Variants in DAB1 observed in about 807,000 individuals in gnomAD.
The protein encoded by DAB1 is disabled homolog 1.
Under a neutral mutation model 64.6 loss-of-function variants are expected in DAB1, and 15 were observed. The observed-to-expected ratio is 0.23, with a 90% CI of 0.16 to 0.36. The LOEUF (loss-of-function observed/expected upper bound fraction) is 0.36. DAB1 is among the 10% of genes least tolerant of loss of function. DAB1 has a pLI of 1.00. For synonymous variants in DAB1, 235 were observed against 251.9 expected (o/e 0.93, Z 0.64); for missense variants, 596 against 706.7 (o/e 0.84, Z 1.78).
At chr1:57,337,434 A>G (rs1677168057) in intron 1 of DAB1, among the ~76,000 whole-genome samples, 1 of 152,132 alleles carries the variant, frequency 6.6e-6, no homozygotes, top group Non-Finnish European at 1.5e-5. Flanking sequence ...CCCAGGGATC[A>G]CAAGAGAAGA....
intron 7 of DAB1, among the ~76,000 whole-genome samples, chr1:57,519,572 C>G (rs1338348886): frequency 6.6e-6 from 1 of 152,050 alleles, no homozygotes; most frequent in Non-Finnish European, 1.5e-5. Context: ...ACATCAAAGC[C>G]CCTAGATGCA....
intron 1 of DAB1, among the ~76,000 whole-genome samples, chr1:57,370,070 C>A (rs764736355): frequency 6.6e-6 from 1 of 152,154 alleles, no homozygotes; most frequent in Non-Finnish European, 1.5e-5. Flanking sequence ...GTAACAGGAA[C>A]CTTCACTGAC....
At chr1:57,771,810 T>C (rs1244049707) in intron 6 of DAB1, among the ~76,000 whole-genome samples, 7 of 152,140 alleles carry the variant, frequency 4.6e-5, no homozygotes, top group Admixed American at 3.3e-4. Context: ...ATTTGTTTTC[T>C]CCACTCTAGA....
chr1:57,949,787 T>C (rs1440577344), intron 5 of DAB1, among the ~76,000 whole-genome samples: 2 of 152,186 alleles, frequency 1.3e-5, no homozygotes, highest in Non-Finnish European at 1.5e-5. Context: ...AAAACTTTAA[T>C]AGGAGCTGCA....
intron 1 of DAB1, among the ~76,000 whole-genome samples, chr1:57,861,465 T>TG (rs1481152489): frequency 6.6e-6 from 1 of 152,092 alleles, no homozygotes; most frequent in Non-Finnish European, 1.5e-5. Context: ...CCTAATTACC[T>TG]GGCAAAGGCC....
rs151006333 is a variant in DAB1, at chr1:57,082,276, CAGG to C, written c.307-9865_307-9863del. On this transcript the variant is annotated intron_variant, in intron 4 of 14. Coordinates refer to ENST00000371236, the MANE Select transcript of DAB1 (RefSeq NM_001365792.1). ...CACTCCCTCTCCCTTTCTCTGAGAA[CAGG>C]AGAAGTCAAGGTACTGAGCACTTCA... 4.0e-3 allele frequency among the ~76,000 whole-genome samples: 605 copies of C among 152,272 alleles called. 3 individuals carry two copies. Among genetic ancestry groups the C allele is most frequent in the Admixed American group, 8.3e-3 (127 of 15,278 alleles).
At chr1:57,537,982 T>C (rs1644750625) in intron 7 of DAB1, among the ~76,000 whole-genome samples, 1 of 151,996 alleles carries the variant, frequency 6.6e-6, no homozygotes, top group Admixed American at 6.6e-5. Flanking sequence ...CAGCTCTCAT[T>C]GGAACTAAGA....
intron 2 of DAB1, among the ~76,000 whole-genome samples, chr1:57,237,625 C>T (rs1668190792): frequency 6.6e-6 from 1 of 152,210 alleles, no homozygotes; most frequent in Non-Finnish European, 1.5e-5. Flanking sequence ...AATATCACTT[C>T]ATGGTTTATG....
chr1:57,096,623 C>G (rs770080943), intron 4 of DAB1, among the ~76,000 whole-genome samples: 2 of 152,116 alleles, frequency 1.3e-5, no homozygotes, highest in Non-Finnish European at 2.9e-5. Flanking sequence ...CTCTCAGGTG[C>G]CTTGCCTGAC....
intron 6 of DAB1, among the ~76,000 whole-genome samples, chr1:57,759,042 C>T (rs1220362491): frequency 6.6e-6 from 1 of 152,082 alleles, no homozygotes; most frequent in Non-Finnish European, 1.5e-5. Context: ...ATTGTTGTTG[C>T]TGCTATTATG....
chr1:57,737,649 A>G lies in DAB1; in HGVS notation n.552-87984T>C, dbSNP rs372847703. On this transcript the variant is annotated intron_variant and non_coding_transcript_variant, in intron 6 of 20. Coordinates refer to the DAB1 transcript ENST00000485760. ...AATGAGTGAGTGGAAGGCTTCCTGG[A>G]GTGTCTTTAATGGCAACCCACACTG... is the stretch of plus-strand genomic sequence containing the variant. Among the ~76,000 whole-genome samples the G allele has an allele frequency of 2.2e-4, 34 of 152,292 alleles. 3 individuals carry two copies. Among genetic ancestry groups the G allele is most frequent in the East Asian group, 2.1e-3 (11 of 5,188 alleles).
intron 6 of DAB1, among the ~76,000 whole-genome samples, chr1:57,689,797 C>A (rs1646742120): frequency 2.6e-5 from 4 of 152,026 alleles, no homozygotes; most frequent in African/African-American, 9.7e-5. Flanking sequence ...TTTAAATGTA[C>A]ATTAAATTAT....
At chr1:58,196,046 G>GA (rs1418103966) in intron 4 of DAB1, among the ~76,000 whole-genome samples, 14 of 152,130 alleles carry the variant, frequency 9.2e-5, no homozygotes, top group Admixed American at 3.3e-4. Flanking sequence ...TGGGCTCAGA[G>GA]AAAAAGTAAA....
chr1:58,469,545 T>TA (rs1645334287), intron 3 of DAB1, among the ~76,000 whole-genome samples: 1 of 152,230 alleles, frequency 6.6e-6, no homozygotes, highest in South Asian at 2.1e-4. Context: ...CAGCTATCTA[T>TA]AGCAATCAGG....
At position 58,427,384 on chromosome 1, in the gene DAB1, A is replaced by G. The variant is rs139240188; in HGVS notation, n.257+78676T>C. Among the ~76,000 whole-genome samples, 681 of 152,222 alleles carry G rather than the reference A, an allele frequency of 4.5e-3. 6 individuals are homozygous for G. The highest frequency in any genetic ancestry group is 0.015 in the African/African-American group (639 of 41,534). ...CAGTGTTGATCTTAAGAGTTTTATG[A>G]TATGGCTTTATTTGAACAGCACCAC... On this transcript the variant is annotated intron_variant and non_coding_transcript_variant, in intron 3 of 20. Coordinates refer to the DAB1 transcript ENST00000485760.
intron 7 of DAB1, among the ~76,000 whole-genome samples, chr1:57,616,112 C>G (rs975156340): frequency 4.6e-5 from 7 of 152,186 alleles, no homozygotes; most frequent in Admixed American, 6.5e-5. Flanking sequence ...GCCCCTCCCT[C>G]ATTTGCTCAC....
chr1:58,082,809 G>T (rs899270820), intron 5 of DAB1, among the ~76,000 whole-genome samples: 14 of 152,094 alleles, frequency 9.2e-5, no homozygotes, highest in African/African-American at 3.4e-4. Context: ...CAGACAGGTG[G>T]GGGGGAGGGG....
chr1:57,629,020 T>C (rs975593729), intron 7 of DAB1, among the ~76,000 whole-genome samples: 3 of 152,210 alleles, frequency 2.0e-5, no homozygotes, highest in African/African-American at 7.2e-5. Flanking sequence ...CTCCTTAGCA[T>C]TTTTCTAGTT....
intron 4 of DAB1, among the ~76,000 whole-genome samples, chr1:58,321,426 C>A: frequency 6.6e-6 from 1 of 152,212 alleles, no homozygotes; most frequent in East Asian, 1.9e-4. Context: ...GTGGGTGCAG[C>A]CCACGGAGGG....
Sources: allele counts gnomAD v4.1 joint callset (sites outside exome capture counted in the v4.1 genomes callset), GRCh38; gene constraint gnomAD v4.1.1; transcripts MANE v1.5; gene names NCBI Gene and HGNC (gene_info 2026-07-23, HGNC 2026-07-21).